The following TENM1 variants were observed in gnomAD, a reference collection of about 807,000 sequenced individuals.
TENM1 encodes the protein teneurin-1.
In TENM1, 35 loss-of-function variants were observed where a neutral mutation model predicts 174.8. The ratio of observed to expected loss-of-function variants is 0.20; its 90% CI spans 0.15 to 0.27. The LOEUF is 0.27. TENM1 is among the 10% of genes least tolerant of loss of function. The pLI, the probability that TENM1 is intolerant of heterozygous loss-of-function variation, is 1.00. For synonymous variants in TENM1, 781 were observed against 798.7 expected, an observed-to-expected ratio of 0.98 and a Z score of 0.37; for missense variants, 1,633 against 2,130.1, an observed-to-expected ratio of 0.77 and a Z score of 4.59.
rs372117890 is a variant in TENM1 at position 124,695,765 on chromosome X, G to A, written c.1015+9248C>T. ...ATTTTTTGAAAGTCTATTTAACTGT[G>A]ATTGCCCATTGAACCTCTTATTTTT... On this transcript the variant is annotated intron_variant, in intron 5 of 31. Coordinates refer to ENST00000422452, the Ensembl canonical transcript of TENM1. Among the ~76,000 whole-genome samples, 7 of 111,171 alleles carry A rather than the reference G, an allele frequency of 6.3e-5. No individual in the cohort carries two copies. In the East Asian group the frequency reaches 1.4e-3, roughly 22 times the overall value.
chrX:125,080,041 G>C, the TENM1 span, among the ~76,000 whole-genome samples: 1 of 109,204 alleles, frequency 9.2e-6, no homozygotes, highest in East Asian at 2.9e-4. Context: ...GTTTTCTAGT[G>C]TCCTCCAGAT....
chrX:124,866,152 C>T (rs1010179188), intron 3 of TENM1, among the ~76,000 whole-genome samples: 3 of 111,747 alleles, frequency 2.7e-5, no homozygotes, highest in African/African-American at 9.7e-5. Context: ...CACTATAGAC[C>T]ACATGGATGT....
At chrX:124,929,065 C>T (rs996828607) in intron 1 of TENM1, among the ~76,000 whole-genome samples, 14 of 111,472 alleles carry the variant, frequency 1.3e-4, no homozygotes, top group Non-Finnish European at 2.5e-4. Flanking sequence ...TTGTTTTTTG[C>T]CTTCCTCTGA....
intron 1 of TENM1, 41 bp downstream of exon 4, chrX:124,963,496 T>G: frequency 9.1e-7 from 1 of 1,098,776 alleles, no homozygotes. Flanking sequence ...CATTCTCTAA[T>G]GAGAAATAAT....
exon 24 of TENM1, chrX:124,422,335 T>G (rs758142774): frequency 8.3e-7 from 1 of 1,211,421 alleles, no homozygotes; most frequent in East Asian, 3.0e-5. Flanking sequence ...CCAGCGATGA[T>G]GTAGATCTCC....
chrX:124,739,276 TTGAC>T (rs1264247239), intron 3 of TENM1, among the ~76,000 whole-genome samples: 2 of 112,150 alleles, frequency 1.8e-5, no homozygotes, highest in Admixed American at 9.5e-5. Flanking sequence ...ATGCATTTTA[TTGAC>T]TATTTCTTTA....
chrX:124,783,714 T>C (rs2054971945), intron 3 of TENM1, among the ~76,000 whole-genome samples: 1 of 111,641 alleles, frequency 9.0e-6, no homozygotes, highest in African/African-American at 3.2e-5. Context: ...CCAGTTTTTA[T>C]TTATTTATTT....
At chrX:125,108,858 T>G in the TENM1 span, among the ~76,000 whole-genome samples, 1 of 110,430 alleles carries the variant, frequency 9.1e-6, no homozygotes, top group African/African-American at 3.3e-5. Context: ...ATTATCATTG[T>G]AATTTAATCC....
At chrX:124,654,740 A>C (rs892193425) in intron 6 of TENM1, among the ~76,000 whole-genome samples, 123 of 111,669 alleles carry the variant, frequency 1.1e-3, no homozygotes, top group Middle Eastern at 4.7e-3. Flanking sequence ...AAAGCCATTA[A>C]AGGTTTTTCA....
intron 23 of TENM1, among the ~76,000 whole-genome samples, chrX:124,450,110 C>T (rs961600191): frequency 9.0e-6 from 1 of 110,551 alleles, no homozygotes; most frequent in Non-Finnish European, 1.9e-5. Flanking sequence ...GAGCTGTTCT[C>T]GTGATAGTGC....
rs772056254 is a variant in TENM1 at position 124,946,339 on chromosome X, G to A, written c.217+17198C>T. ...AATAACCAGCTGGATATATGAATCCGAATTTCAAGGGAGAGGTCAAAGCTG... is the reference window on the plus strand; with the variant it reads ...AATAACCAGCTGGATATATGAATCCAAATTTCAAGGGAGAGGTCAAAGCTG... On this transcript the variant is annotated intron_variant, in intron 1 of 31. Transcript: ENST00000422452. Among the ~76,000 whole-genome samples the A allele has an allele frequency of 2.7e-5, 3 of 111,850 alleles. No homozygotes were observed. In the South Asian group the frequency reaches 1.1e-3, roughly 42 times the overall value.
the TENM1 span, among the ~76,000 whole-genome samples, chrX:125,126,237 A>G: frequency 9.0e-6 from 1 of 111,621 alleles, no homozygotes; most frequent in South Asian, 3.8e-4. Context: ...CTTCTGGAAC[A>G]TGCATTTCAT....
At chrX:124,976,553 A>G in the TENM1 span, among the ~76,000 whole-genome samples, 1 of 112,093 alleles carries the variant, frequency 8.9e-6, no homozygotes, top group African/African-American at 3.2e-5. Context: ...CCTTGCTTAT[A>G]TAACAAAGAA....
chrX:124,487,298 T>G, intron 20 of TENM1, 69 bp from the exon 24 acceptor site: 2 of 981,333 alleles, frequency 2.0e-6, no homozygotes, highest in Non-Finnish European at 2.8e-6. Context: ...TCATTGAACA[T>G]GCCAAACCTA....
chrX:124,437,679 AAATTTCTTTT>A (rs932711183), intron 23 of TENM1, among the ~76,000 whole-genome samples: 1 of 111,935 alleles, frequency 8.9e-6, no homozygotes, highest in Non-Finnish European at 1.9e-5. Context: ...ATTTACTATT[AAATTTCTTTT>A]ATATTCACTC....
chrX:124,488,174 G>C (rs756698630), intron 20 of TENM1, among the ~76,000 whole-genome samples: 1 of 112,144 alleles, frequency 8.9e-6, no homozygotes. Flanking sequence ...CTCACACAGG[G>C]AGTGCAGTCT....
chrX:125,059,585 C>G, the TENM1 span, among the ~76,000 whole-genome samples: 6 of 110,975 alleles, frequency 5.4e-5, no homozygotes, highest in East Asian at 1.7e-3. Context: ...GTACTCTGAC[C>G]GACATCTCCT....
chrX:124,383,323 C>T (rs543100978), intron 30 of TENM1, among the ~76,000 whole-genome samples: 1 of 111,379 alleles, frequency 9.0e-6, no homozygotes, highest in Admixed American at 9.6e-5. Context: ...TGTGGATAAC[C>T]CTGGATTATA....
the TENM1 span, among the ~76,000 whole-genome samples, chrX:125,114,198 G>C: frequency 9.0e-6 from 1 of 111,626 alleles, no homozygotes; most frequent in Non-Finnish European, 1.9e-5. Context: ...AAATAAATAA[G>C]TTATTTGAAA....
Sources: gnomAD v4.1 joint callset for allele counts (sites outside exome capture counted in the v4.1 genomes callset) on GRCh38, gnomAD v4.1.1 for gene constraint, MANE v1.5 for transcripts, NCBI Gene and HGNC (gene_info 2026-07-23, HGNC 2026-07-21) for gene names.